The following SLC9A9 variants were observed in gnomAD, a reference collection of about 807,000 sequenced individuals.
SLC9A9 encodes sodium/hydrogen exchanger 9.
A neutral mutation model predicts 77.8 loss-of-function variants in SLC9A9; 62 were observed. That is an observed-to-expected ratio of 0.80 (90% CI 0.65 to 0.98). The LOEUF (loss-of-function observed/expected upper bound fraction) is 0.98, where lower values mean the gene tolerates loss of function less well. SLC9A9 is among the 50% of genes least tolerant of loss of function. The probability of loss-of-function intolerance (pLI) is 0.00; values close to 1 mark genes in which losing one functional copy is unlikely to be tolerated. For missense variants in SLC9A9, 775 were observed against 774.9 expected (o/e 1.00, Z 0.00); for synonymous variants, 320 against 283.5 (o/e 1.13, Z -1.29).
At position 143,410,642 on chromosome 3, in the gene SLC9A9, A is replaced by G. The variant is rs2034078420; in HGVS notation, c.1470-28528T>C. The stretch of plus-strand genomic sequence containing the variant: ...TTATTTCTACCCTTTATCTTAGGGC[A>G]TTGCTGCCAGAATTGTCTTCTTTTG... On this transcript the variant is annotated intron_variant, in intron 12 of 15. Coordinates refer to ENST00000316549, the MANE Select transcript of SLC9A9 (RefSeq NM_173653.4). Among the ~76,000 whole-genome samples the G allele has an allele frequency of 2.0e-5, 3 of 152,300 alleles. No homozygotes were observed. In the South Asian group the frequency reaches 6.2e-4, roughly 32 times the overall value.
Position 143,768,478 on chromosome 3 carries a change from T to G in SLC9A9, c.533+26523A>C, listed in dbSNP as rs1372766098. On this transcript the variant is annotated intron_variant, in intron 4 of 15. Transcript: ENST00000316549. The stretch of plus-strand genomic sequence containing the variant: ...GTACCACATTTCCCTGTGCATGTGC[T>G]GTAGTGATAGAATACTTCTTACAAG... Among the ~76,000 whole-genome samples the G allele has an allele frequency of 9.2e-5, 14 of 152,326 alleles. No individual in the cohort carries two copies. The South Asian group carries it at 2.3e-3, about 25-fold the overall frequency.
chr3:143,793,097 T>C (rs1246341982), intron 4 of SLC9A9, among the ~76,000 whole-genome samples: 3 of 152,228 alleles, frequency 2.0e-5, no homozygotes, highest in Non-Finnish European at 2.9e-5. Context: ...TTAGGACTAC[T>C]CTTTTAGTCA....
chr3:143,598,476 C>T (rs2037794706), intron 6 of SLC9A9, among the ~76,000 whole-genome samples: 1 of 152,198 alleles, frequency 6.6e-6, no homozygotes, highest in Admixed American at 6.5e-5. Context: ...ATTAGTGGCG[C>T]TAGTGAGCGT....
At chr3:143,360,772 T>C (rs1225265440) in intron 14 of SLC9A9, among the ~76,000 whole-genome samples, 2 of 152,240 alleles carry the variant, frequency 1.3e-5, no homozygotes, top group African/African-American at 4.8e-5. Context: ...TAGGCATTAA[T>C]TGAATATAAA....
chr3:143,370,828 T>G (rs536771871), intron 13 of SLC9A9, among the ~76,000 whole-genome samples: 36 of 152,060 alleles, frequency 2.4e-4, no homozygotes, highest in Non-Finnish European at 4.6e-4. Context: ...AACTGGATCA[T>G]AAACATATGA....
intron 5 of SLC9A9, among the ~76,000 whole-genome samples, chr3:143,685,098 G>A (rs185671010): frequency 4.1e-4 from 62 of 152,074 alleles, no homozygotes; most frequent in African/African-American, 1.4e-3. Context: ...AGCCACATAT[G>A]TAATTTTAAA....
rs142744329 is a variant in SLC9A9 at position 143,718,092 on chromosome 3, GA to G, written c.534-24786del. 1.8e-3 allele frequency among the ~76,000 whole-genome samples: 262 copies of G among 146,366 alleles called. 2 individuals are homozygous for G. Among genetic ancestry groups the G allele is most frequent in the Admixed American group, 8.7e-3 (129 of 14,826 alleles). ...AAATAGGTAATGTGGAGTTAAACAG[GA>G]AAAAAAAAAAAGATAGTGCATCCCA... On this transcript the variant is annotated intron_variant, in intron 4 of 15. Coordinates refer to ENST00000316549, the MANE Select transcript of SLC9A9 (RefSeq NM_173653.4).
At chr3:143,479,426 T>C (rs80333583) in intron 11 of SLC9A9, among the ~76,000 whole-genome samples, 10 of 118,854 alleles carry the variant, frequency 8.4e-5, no homozygotes, top group South Asian at 6.5e-4. Context: ...TAAAAAAAAA[T>C]TTTTTTTGTA....
At chr3:143,831,919 ATG>A in intron 2 of SLC9A9, 98 bp downstream of exon 2, 2 of 1,039,086 alleles carry the variant, frequency 1.9e-6, no homozygotes, top group Non-Finnish European at 2.9e-6. Context: ...ATAGGCATAT[ATG>A]TGTGTGTGAA....
At position 143,478,630 on chromosome 3, in the gene SLC9A9, A is replaced by G. The variant is rs150650458; in HGVS notation, c.1316-11440T>C. 1.2e-3 allele frequency among the ~76,000 whole-genome samples: 184 copies of G among 152,364 alleles called. 1 individual carries two copies. Among genetic ancestry groups the G allele is most frequent in the African/African-American group, 3.7e-3 (155 of 41,596 alleles). Reference sequence around the variant, plus strand: ...TATGGATGGATACTTAGCACAAGGCATTTTAAAGTGTAACTGCTTCTTGCT... The same window carrying G: ...TATGGATGGATACTTAGCACAAGGCGTTTTAAAGTGTAACTGCTTCTTGCT... On this transcript the variant is annotated intron_variant, in intron 11 of 15. Transcript: ENST00000316549.
At chr3:143,668,076 C>T (rs944897170) in intron 5 of SLC9A9, among the ~76,000 whole-genome samples, 11 of 152,082 alleles carry the variant, frequency 7.2e-5, no homozygotes, top group Non-Finnish European at 1.5e-4. Context: ...GACTTGGAAC[C>T]AACCCAAATG....
At chr3:143,304,996 A>G (rs1169661861) in intron 14 of SLC9A9, among the ~76,000 whole-genome samples, 1 of 152,206 alleles carries the variant, frequency 6.6e-6, no homozygotes, top group Non-Finnish European at 1.5e-5. Flanking sequence ...GTACTTTTAT[A>G]TTCTGATATC....
chr3:143,822,670 C>T (rs1347663488), intron 2 of SLC9A9, among the ~76,000 whole-genome samples: 1 of 152,224 alleles, frequency 6.6e-6, no homozygotes. Flanking sequence ...TAACTACTCG[C>T]TGGAGACCAG....
intron 4 of SLC9A9, among the ~76,000 whole-genome samples, chr3:143,703,970 A>T (rs1415483639): frequency 6.6e-6 from 1 of 152,178 alleles, no homozygotes; most frequent in Non-Finnish European, 1.5e-5. Context: ...TAGAAGACAT[A>T]GATAAATTTC....
intron 4 of SLC9A9, among the ~76,000 whole-genome samples, chr3:143,768,896 T>A (rs1475256483): frequency 6.6e-6 from 1 of 152,204 alleles, no homozygotes; most frequent in Non-Finnish European, 1.5e-5. Context: ...TATTGACATA[T>A]GAAGAGCAAA....
chr3:143,662,510 C>A (rs1479480856), intron 5 of SLC9A9, among the ~76,000 whole-genome samples: 5 of 152,188 alleles, frequency 3.3e-5, no homozygotes, highest in Non-Finnish European at 7.3e-5. Flanking sequence ...CATCACCTCA[C>A]CCGAGAAGTG....
intron 4 of SLC9A9, among the ~76,000 whole-genome samples, chr3:143,698,523 C>T (rs896041822): frequency 3.3e-5 from 5 of 152,080 alleles, no homozygotes; most frequent in African/African-American, 1.2e-4. Context: ...AGTTATGACG[C>T]ACACACTGAT....
chr3:143,372,874 T>C (rs1457631585), intron 13 of SLC9A9, among the ~76,000 whole-genome samples: 2 of 152,136 alleles, frequency 1.3e-5, no homozygotes, highest in Non-Finnish European at 2.9e-5. Flanking sequence ...TTACTATTCA[T>C]CAGGGAAATG....
At chr3:143,278,678 C>CG (rs1481326762) in intron 14 of SLC9A9, among the ~76,000 whole-genome samples, 2 of 150,520 alleles carry the variant, frequency 1.3e-5, no homozygotes, top group African/African-American at 4.8e-5. Context: ...GCTTAGGGGC[C>CG]CGCCCTGTTC....
Sources: gnomAD v4.1 joint callset for allele counts (sites outside exome capture counted in the v4.1 genomes callset) on GRCh38, gnomAD v4.1.1 for gene constraint, MANE v1.5 for transcripts, NCBI Gene and HGNC (gene_info 2026-07-23, HGNC 2026-07-21) for gene names.